Variants in PLCH2 observed in about 807,000 individuals in gnomAD.
PLCH2 encodes 1-phosphatidylinositol 4,5-bisphosphate phosphodiesterase eta-2.
In PLCH2, 98 loss-of-function variants were observed where a neutral mutation model predicts 134.7. The observed-to-expected ratio is 0.73, with a 90% CI of 0.62 to 0.86. PLCH2 has a LOEUF of 0.86. Ranked by LOEUF, PLCH2 falls within the 40% of genes least tolerant of loss-of-function variation. The probability of loss-of-function intolerance (pLI) is 0.00; values close to 1 mark genes in which losing one functional copy is unlikely to be tolerated. For missense variants in PLCH2, 1,994 were observed against 1,986.6 expected, an observed-to-expected ratio of 1.00 and a Z score of -0.07; for synonymous variants, 974 against 827.5, an observed-to-expected ratio of 1.18 and a Z score of -3.04.
At chr1:2,462,788 C>T (rs1045252154), upstream of PLCH2, among the ~76,000 whole-genome samples, 1 of 152,162 alleles carries the variant, frequency 6.6e-6, no homozygotes, top group Admixed American at 6.5e-5. Flanking sequence ...TTGCCTTACT[C>T]TGTGCTCCCA....
Position 2,504,162 on chromosome 1 carries a change from C to T in PLCH2, c.3200C>T (p.Ala1067Val). Residue 1067 changes from alanine (A) to valine (V), a missense_variant, in exon 22 of 22, where the codon GCA (alanine) becomes GTA (valine). Coordinates refer to ENST00000378486, the MANE Select transcript of PLCH2 (RefSeq NM_014638.4). ...TGCAACGGCGAGGGCGCCGGCGGGG[C>T]ATACGAGAGGGCCCCCGGCAGCCAG... ...RPCNGEGAGG[A>V]YERAPGSQTD... 2.6e-6 allele frequency: 4 copies of T among 1,528,368 alleles called. No homozygotes were observed. Among genetic ancestry groups the T allele is most frequent in the Non-Finnish European group, 3.5e-6 (4 of 1,139,708 alleles). The allele number at this position is 1,528,368 out of a possible 1,614,324, so 94.7% of individuals were successfully genotyped here.
At chr1:2,445,572 T>C (rs1273153173) in intron 2 of PLCH2, among the ~76,000 whole-genome samples, 1 of 121,578 alleles carries the variant, frequency 8.2e-6, no homozygotes, top group Non-Finnish European at 1.7e-5. Context: ...CAGCTGGGGG[T>C]ACGGGGGAGG....
Position 2,487,389 on chromosome 1 carries a change from C to T in PLCH2, c.1114+13C>T. ...CGCTGCGTGGAGGGTAAGCCCTGGA[C>T]CTTGGGTGACGGCCGTGGGCTGGCA... On this transcript the variant is annotated intron_variant, in intron 7 of 21. Transcript: ENST00000378486. 6.2e-7 allele frequency: 1 copy of T among 1,607,336 alleles called. No homozygotes were observed. Among genetic ancestry groups the T allele is most frequent in the Non-Finnish European group, 8.5e-7 (1 of 1,175,504 alleles).
chr1:2,504,516 A>G lies in PLCH2; in HGVS notation c.3554A>G (p.His1185Arg), dbSNP rs1212184327. 5.6e-6 allele frequency: 9 copies of G among 1,612,284 alleles called. No individual in the cohort carries two copies. The Admixed American group carries it at 1.0e-4, about 18-fold the overall frequency. Residue 1185 changes from histidine to arginine, a missense_variant, in exon 22 of 22, where the codon CAC (histidine) becomes CGC (arginine). Around this residue, in one of 2 missense-constraint regions of PLCH2, gnomAD observed 900 missense variants for 752.3 expected, o/e 1.20. Transcript: ENST00000378486. ...AHMGRLPPRP[H>R]SASAARPDLP... ...ATGGGACGCCTGCCCCCCAGGCCCC[A>G]CTCGGCTTCGGCTGCCCGCCCAGAC...
In PLCH2 at chr1:2,502,205, C is replaced by G. The variant is rs1274906046; in HGVS notation, c.2755C>G (p.Pro919Ala). The part of the protein sequence containing the change: ...SHAAGRPPAR[P>A]SVSQRILRRT... Reference sequence around the variant, plus strand: ...TGCTGCTGGGCGGCCCCCGGCCCGGCCCTCCGTTAGCCAGCGGATCCTGCG... The same window carrying G: ...TGCTGCTGGGCGGCCCCCGGCCCGGGCCTCCGTTAGCCAGCGGATCCTGCG... Residue 919 changes from proline (P) to alanine (A), a missense_variant, in exon 21 of 22, where the codon CCC becomes GCC. Pro to Ala is a conservative substitution (Grantham distance 27, BLOSUM62 -1). This residue lies in a region of PLCH2 where 900 missense variants were observed against 752.3 expected (regional missense o/e 1.20). Coordinates refer to ENST00000378486, the MANE Select transcript of PLCH2 (RefSeq NM_014638.4). 1 of 1,538,094 alleles carries G rather than the reference C, an allele frequency of 6.5e-7. No individual in the cohort carries two copies.
intron 13 of PLCH2, among the ~76,000 whole-genome samples, 191 bp downstream of exon 13, chr1:2,495,761 G>A (rs1248350290): frequency 1.3e-5 from 2 of 152,150 alleles, no homozygotes; most frequent in Non-Finnish European, 2.9e-5. Flanking sequence ...GGGCAGTGGG[G>A]GCAGGGGCGG....
At position 2,491,181 on chromosome 1, in the gene PLCH2, G is replaced by A. The variant is rs1194791534; in HGVS notation, c.1516-11G>A. 1 of 1,609,580 alleles carries A rather than the reference G, an allele frequency of 6.2e-7. No individual in the cohort carries two copies. Among genetic ancestry groups the A allele is most frequent in the Non-Finnish European group, 8.5e-7 (1 of 1,178,202 alleles). On this transcript the variant is annotated splice_polypyrimidine_tract_variant and intron_variant, in intron 10 of 21. Coordinates refer to ENST00000378486, the MANE Select transcript of PLCH2 (RefSeq NM_014638.4). ...GACAGATGCCAACAGGCCGGCCTCT[G>A]GCTCCTGCAGGCATCCACCAATCGA...
At chr1:2,443,521 G>A (rs971373269) in intron 2 of PLCH2, among the ~76,000 whole-genome samples, 3 of 152,130 alleles carry the variant, frequency 2.0e-5, no homozygotes, top group African/African-American at 7.2e-5. Context: ...GGGGAGGTGT[G>A]GGGAGCGGAA....
At chr1:2,423,462 C>G, upstream of PLCH2, among the ~76,000 whole-genome samples, 1 of 152,132 alleles carries the variant, frequency 6.6e-6, no homozygotes, top group East Asian at 1.9e-4. Context: ...ACGGAGACAG[C>G]AGGGTTTGCA....
intron 2 of PLCH2, among the ~76,000 whole-genome samples, chr1:2,456,270 C>T (rs577856900): frequency 1.1e-3 from 164 of 152,294 alleles, no homozygotes; most frequent in African/African-American, 3.8e-3. Flanking sequence ...GGCTTCCGAG[C>T]GCAGCCCCCC....
intron 2 of PLCH2, among the ~76,000 whole-genome samples, 168 bp downstream of exon 2, chr1:2,478,790 A>T (rs555357244): frequency 1.3e-5 from 2 of 152,208 alleles, no homozygotes; most frequent in African/African-American, 4.8e-5. Context: ...GCTGTGGGGT[A>T]GGAGGGATCC....
chr1:2,479,896 C>G lies in PLCH2; in HGVS notation c.434C>G (p.Thr145Ser). The G allele has an allele frequency of 1.2e-6, 2 of 1,611,954 alleles. No homozygotes were observed. The highest frequency in any genetic ancestry group is 1.7e-6 in the Non-Finnish European group (2 of 1,179,584). The part of the protein sequence containing the change: ...LVSTSSEVAR[T>S]WVTGLRYLMA... ...TCCACCAGCAGCGAGGTGGCGCGCA[C>G]CTGGGTCACTGGCCTGCGCTACCTC... Residue 145 changes from threonine (T) to serine (S), a missense_variant, in exon 3 of 22, where the codon ACC (threonine) becomes AGC (serine). Physicochemically the swap from Thr to Ser is moderately conservative, Grantham distance 58. Transcript: ENST00000378486.
At chr1:2,454,792 C>T (rs1374263110) in intron 2 of PLCH2, among the ~76,000 whole-genome samples, 1 of 152,170 alleles carries the variant, frequency 6.6e-6, no homozygotes, top group African/African-American at 2.4e-5. Flanking sequence ...TGGGGCAGGG[C>T]CTGTCTCCGA....
chr1:2,501,789 G>T (rs1333658703), intron 20 of PLCH2: 3 of 316,896 alleles, frequency 9.5e-6, no homozygotes, highest in African/African-American at 6.4e-5. Flanking sequence ...CTCTCCTCCG[G>T]AGGGAAAGAC....
intron 1 of PLCH2, 95 bp from the exon 2 acceptor site, chr1:2,478,381 C>T (rs977932236): frequency 6.5e-5 from 96 of 1,470,808 alleles, no homozygotes; most frequent in Non-Finnish European, 8.7e-5. Context: ...CCGTGTTTCT[C>T]CCGTGAGGAG....
chr1:2,473,204 C>G (rs1641422535), upstream of PLCH2, among the ~76,000 whole-genome samples: 1 of 152,252 alleles, frequency 6.6e-6, no homozygotes, highest in African/African-American at 2.4e-5. Context: ...GAGCAAACCT[C>G]TCACAGTGGG....
rs576229286 is a variant in PLCH2 at position 2,478,396 on chromosome 1, C to G, written c.125-80C>G. The G allele has an allele frequency of 2.6e-6, 4 of 1,535,066 alleles. No homozygotes were observed. In the African/African-American group the frequency reaches 5.5e-5, roughly 21 times the overall value. ...CCGTGTTTCTCCCGTGAGGAGTGGC[C>G]GTGCCTCCGCTGACGGCCGTGTCTC... On this transcript the variant is annotated intron_variant, in intron 1 of 21. Transcript: ENST00000378486.
At chr1:2,493,440 G>A (rs986907302) in intron 11 of PLCH2, 5 of 152,298 alleles carry the variant, frequency 3.3e-5, no homozygotes, top group African/African-American at 1.2e-4. Flanking sequence ...TTCTGGAGGT[G>A]GAGAGAGACG....
At chr1:2,455,658 C>T (rs1001227458) in intron 2 of PLCH2, among the ~76,000 whole-genome samples, 2 of 152,196 alleles carry the variant, frequency 1.3e-5, no homozygotes, top group Non-Finnish European at 2.9e-5. Flanking sequence ...GGGGCAGGAG[C>T]AGTCAGAAGC....
Sources: allele counts gnomAD v4.1 joint callset (sites outside exome capture counted in the v4.1 genomes callset), GRCh38; gene constraint gnomAD v4.1.1; regional missense constraint gnomAD v4.1.1; transcripts MANE v1.5; gene names NCBI Gene and HGNC (gene_info 2026-07-23, HGNC 2026-07-21).